The following CSGALNACT1 variants were observed in gnomAD, a reference collection of about 807,000 sequenced individuals.
The protein encoded by CSGALNACT1 is chondroitin sulfate N-acetylgalactosaminyltransferase 1, also known as beta4GalNAcT-1.
CSGALNACT1 carries 52 observed loss-of-function variants against 51.0 expected under a neutral mutation model. The observed-to-expected ratio is 1.02, with a 90% CI of 0.82 to 1.29. CSGALNACT1 has a LOEUF of 1.29. Ranked by LOEUF, CSGALNACT1 falls within the 50% of genes most tolerant of loss-of-function variation. The probability of loss-of-function intolerance (pLI) is 0.00; values close to 1 mark genes in which losing one functional copy is unlikely to be tolerated. For synonymous variants in CSGALNACT1, 341 were observed against 254.4 expected (o/e 1.34, Z -3.24); for missense variants, 935 against 679.2 (o/e 1.38, Z -4.19).
intron 1 of CSGALNACT1, among the ~76,000 whole-genome samples, chr8:19,633,228 T>G (rs1178119981): frequency 1.3e-5 from 2 of 152,158 alleles, no homozygotes; most frequent in African/African-American, 4.8e-5. Flanking sequence ...ATCTTTATCA[T>G]TGAGTCTCGA....
chr8:19,450,181 GA>G (rs1241371423), intron 5 of CSGALNACT1, among the ~76,000 whole-genome samples: 22 of 76,542 alleles, frequency 2.9e-4, no homozygotes, highest in East Asian at 6.0e-4. Flanking sequence ...GGAGAGTGAG[GA>G]AGAGGGAGAG....
chr8:19,491,339 T>C (rs1460280595), intron 4 of CSGALNACT1, among the ~76,000 whole-genome samples: 1 of 151,006 alleles, frequency 6.6e-6, no homozygotes, highest in Non-Finnish European at 1.5e-5. Flanking sequence ...AATACTTCTA[T>C]GATATAAATA....
chr8:19,599,533 G>A (rs1588915883), intron 2 of CSGALNACT1, among the ~76,000 whole-genome samples: 1 of 133,484 alleles, frequency 7.5e-6, no homozygotes, highest in African/African-American at 2.8e-5. Context: ...AGAAAAGAAA[G>A]AAAAAGAAGG....
chr8:19,603,117 T>TAAA (rs35440306), upstream of CSGALNACT1, among the ~76,000 whole-genome samples: 17 of 102,078 alleles, frequency 1.7e-4, no homozygotes, highest in Middle Eastern at 5.1e-3. Context: ...ATGCAGGAAT[T>TAAA]AAAAAAAAAA....
intron 2 of CSGALNACT1, among the ~76,000 whole-genome samples, chr8:19,601,229 G>A (rs2050360780): frequency 6.6e-6 from 1 of 152,082 alleles, no homozygotes; most frequent in Non-Finnish European, 1.5e-5. Context: ...AATCCGTAAG[G>A]GCACTATTCT....
intron 5 of CSGALNACT1, among the ~76,000 whole-genome samples, chr8:19,444,713 C>G (rs973687533): frequency 1.1e-4 from 16 of 152,242 alleles, no homozygotes; most frequent in Admixed American, 6.5e-4. Flanking sequence ...TGGGATAAAT[C>G]CACAGCAATA....
upstream of CSGALNACT1, among the ~76,000 whole-genome samples, chr8:19,684,498 C>T (rs2154210915): frequency 6.6e-6 from 1 of 152,170 alleles, no homozygotes; most frequent in African/African-American, 2.4e-5. Flanking sequence ...TGTCTCACTC[C>T]TGCTGGGGTG....
intron 4 of CSGALNACT1, among the ~76,000 whole-genome samples, chr8:19,464,289 C>A (rs1245532128): frequency 6.6e-6 from 1 of 152,106 alleles, no homozygotes; most frequent in Non-Finnish European, 1.5e-5. Context: ...CCCAGTCGGT[C>A]CCACACATAT....
chr8:19,720,290 T>G (rs2063048380), intron 1 of CSGALNACT1, among the ~76,000 whole-genome samples: 1 of 152,074 alleles, frequency 6.6e-6, no homozygotes. Context: ...ATAAGAGAGA[T>G]AAATAAGACG....
chr8:19,437,244 G>GCCT (rs2060523154), intron 6 of CSGALNACT1, among the ~76,000 whole-genome samples: 1 of 152,104 alleles, frequency 6.6e-6, no homozygotes, highest in Non-Finnish European at 1.5e-5. Context: ...GGGGGTTGAG[G>GCCT]TTTGAATTAA....
intron 1 of CSGALNACT1, among the ~76,000 whole-genome samples, chr8:19,734,042 C>A (rs1369989937): frequency 1.3e-5 from 2 of 152,170 alleles, no homozygotes; most frequent in African/African-American, 2.4e-5. Context: ...AACGCTGAGG[C>A]TCCTCAATCA....
At position 19,643,230 on chromosome 8, in the gene CSGALNACT1, A is replaced by T. The variant is rs1338398971; in HGVS notation, c.-544+39243T>A. Among the ~76,000 whole-genome samples the T allele has an allele frequency of 2.0e-5, 3 of 152,328 alleles. No homozygotes were observed. The East Asian group carries it at 5.8e-4, about 29-fold the overall frequency. On this transcript the variant is annotated intron_variant, in intron 1 of 9. Transcript: ENST00000332246. Reference sequence around the variant, plus strand: ...TAAAAAATAATTTTAAAAAGTCAATAATAACCAACTAGGACAATGCTTTCA... The same window carrying T: ...TAAAAAATAATTTTAAAAAGTCAATTATAACCAACTAGGACAATGCTTTCA...
In CSGALNACT1 at chr8:19,408,468, C is replaced by CT. The variant is rs1186216767; in HGVS notation, c.1309+144dup. The CT allele has an allele frequency of 6.5e-3, 3,067 of 469,654 alleles. 684 individuals are homozygous for CT. The highest frequency in any genetic ancestry group is 0.023 in the African/African-American group (640 of 28,346). The allele number at this position is 469,654 out of a possible 1,614,324, so 29.1% of individuals were successfully genotyped here. A position where few individuals can be genotyped will look rare whatever the true frequency, so the allele number is the denominator to read the frequency against. ...AGCCACCGCACCTAGTCTGGAATAG[C>CT]TTTTTTTTTTTTTTTTTTTTTTTTT... is the stretch of plus-strand genomic sequence containing the variant. On this transcript the variant is annotated intron_variant, in intron 9 of 9. Transcript: ENST00000454498.
chr8:19,623,132 T>A (rs1262508456), intron 1 of CSGALNACT1, among the ~76,000 whole-genome samples: 1 of 152,126 alleles, frequency 6.6e-6, no homozygotes, highest in Non-Finnish European at 1.5e-5. Flanking sequence ...AAAAAACATA[T>A]GCAAATACTA....
At chr8:19,428,673 G>A (rs148912399) in intron 6 of CSGALNACT1, among the ~76,000 whole-genome samples, 2 of 152,146 alleles carry the variant, frequency 1.3e-5, no homozygotes, top group Non-Finnish European at 2.9e-5. Flanking sequence ...ACATCATTAA[G>A]TACGATGCTT....
At chr8:19,684,807 T>A (rs967254939), upstream of CSGALNACT1, among the ~76,000 whole-genome samples, 3 of 152,188 alleles carry the variant, frequency 2.0e-5, no homozygotes, top group African/African-American at 7.2e-5. Flanking sequence ...AGAACGTGAA[T>A]CTCCAAAGTG....
intron 3 of CSGALNACT1, among the ~76,000 whole-genome samples, chr8:19,540,776 A>C (rs1350535054): frequency 6.6e-6 from 1 of 152,122 alleles, no homozygotes; most frequent in African/African-American, 2.4e-5. Flanking sequence ...TTTGCCCAGG[A>C]AGCCTTTCCT....
intron 1 of CSGALNACT1, among the ~76,000 whole-genome samples, chr8:19,704,114 G>C (rs2062028377): frequency 6.6e-6 from 1 of 152,172 alleles, no homozygotes; most frequent in Non-Finnish European, 1.5e-5. Context: ...CAAGCTTGAT[G>C]GTTAATTACA....
chr8:19,488,361 T>TTATATA (rs2073511807), intron 4 of CSGALNACT1, among the ~76,000 whole-genome samples: 2 of 89,832 alleles, frequency 2.2e-5, no homozygotes, highest in Non-Finnish European at 4.5e-5. Context: ...TTATATATAT[T>TTATATA]TATATATACA....
Sources: allele counts gnomAD v4.1 joint callset (sites outside exome capture counted in the v4.1 genomes callset), GRCh38; gene constraint gnomAD v4.1.1; transcripts MANE v1.5; gene names NCBI Gene and HGNC (gene_info 2026-07-23, HGNC 2026-07-21).